The following CSMD1 variants were observed in gnomAD, a reference collection of about 807,000 sequenced individuals.
The protein encoded by CSMD1 is CUB and sushi domain-containing protein 1.
CSMD1 carries 213 observed loss-of-function variants against 417.5 expected under a neutral mutation model. The observed-to-expected ratio is 0.51, with a 90% confidence interval of 0.46 to 0.57. CSMD1 has a LOEUF of 0.57. Ranked by LOEUF, CSMD1 falls within the 20% of genes least tolerant of loss-of-function variation. The pLI, the probability that CSMD1 is intolerant of heterozygous loss-of-function variation, is 0.00. For synonymous variants in CSMD1, 2,862 were observed against 1,736.8 expected (o/e 1.65, Z -16.11); for missense variants, 6,923 against 4,529.7 (o/e 1.53, Z -15.17).
intron 2 of CSMD1, among the ~76,000 whole-genome samples, chr8:4,485,433 G>A (rs1046740693): frequency 6.6e-6 from 1 of 152,096 alleles, no homozygotes; most frequent in Non-Finnish European, 1.5e-5. Context: ...AGAGAGGAAG[G>A]GCTTCTATGG....
At chr8:4,313,936 C>A (rs933553921) in intron 3 of CSMD1, among the ~76,000 whole-genome samples, 2 of 151,914 alleles carry the variant, frequency 1.3e-5, no homozygotes, top group Non-Finnish European at 2.9e-5. Flanking sequence ...GTCACTTGAA[C>A]CTGGGAGGCA....
intron 50 of CSMD1, among the ~76,000 whole-genome samples, chr8:3,034,213 G>T (rs576327922): frequency 6.6e-6 from 1 of 152,200 alleles, no homozygotes; most frequent in East Asian, 1.9e-4. Flanking sequence ...TTGGAATGAA[G>T]AAAAAGATTT....
At chr8:3,311,768 G>T (rs896902924) in intron 23 of CSMD1, among the ~76,000 whole-genome samples, 1 of 150,776 alleles carries the variant, frequency 6.6e-6, no homozygotes, top group Non-Finnish European at 1.5e-5. Context: ...TGTTCTGATT[G>T]TACAGAAGCG....
chr8:3,529,866 G>T (rs1797905317), intron 10 of CSMD1, among the ~76,000 whole-genome samples: 2 of 152,212 alleles, frequency 1.3e-5, no homozygotes, highest in Non-Finnish European at 2.9e-5. Context: ...ATTAATTATA[G>T]CAAGAGAGAA....
chr8:3,773,969 T>G (rs1473099196), intron 5 of CSMD1, among the ~76,000 whole-genome samples: 1 of 152,196 alleles, frequency 6.6e-6, no homozygotes, highest in African/African-American at 2.4e-5. Context: ...GTGCCTGGAT[T>G]AACCCTGCAT....
In CSMD1 at chr8:4,032,112, G is replaced by A. The variant is rs190192421; in HGVS notation, c.416-13C>T. On this transcript the variant is annotated splice_polypyrimidine_tract_variant and intron_variant, in intron 3 of 69. Coordinates refer to ENST00000635120, the MANE Select transcript of CSMD1 (RefSeq NM_033225.6). Reference sequence around the variant, plus strand: ...TGGCTAGGTAAAACTATTGGAAAAAGAAAAGAAAGGAGAAAAAACAAGTTA... The same window carrying A: ...TGGCTAGGTAAAACTATTGGAAAAAAAAAAGAAAGGAGAAAAAACAAGTTA... The A allele has an allele frequency of 2.8e-4, 445 of 1,574,382 alleles. No homozygotes were observed. Among genetic ancestry groups the A allele is most frequent in the Non-Finnish European group, 3.4e-4 (398 of 1,154,036 alleles).
At chr8:3,921,529 T>A in intron 5 of CSMD1, among the ~76,000 whole-genome samples, 1 of 152,170 alleles carries the variant, frequency 6.6e-6, no homozygotes, top group Non-Finnish European at 1.5e-5. Context: ...TAGGCCATCA[T>A]TTCTGTAAAC....
intron 10 of CSMD1, among the ~76,000 whole-genome samples, chr8:3,538,633 T>C (rs761094439): frequency 4.6e-5 from 7 of 152,366 alleles, no homozygotes; most frequent in Admixed American, 4.6e-4. Flanking sequence ...AACAAAGGTA[T>C]AGAGCTTTCC....
chr8:3,769,995 C>A (rs1035109582), intron 5 of CSMD1, among the ~76,000 whole-genome samples: 2 of 152,212 alleles, frequency 1.3e-5, no homozygotes, highest in African/African-American at 2.4e-5. Context: ...CAGTGACCTG[C>A]CTTTTTCTTC....
intron 3 of CSMD1, among the ~76,000 whole-genome samples, chr8:4,211,276 T>C (rs768527924): frequency 2.5e-4 from 38 of 152,160 alleles, no homozygotes; most frequent in Non-Finnish European, 4.6e-4. Context: ...ATCCAAAGAT[T>C]GATCCCTTTT....
chr8:4,609,238 A>G (rs1158607570), intron 2 of CSMD1, among the ~76,000 whole-genome samples: 4 of 152,130 alleles, frequency 2.6e-5, no homozygotes, highest in African/African-American at 9.7e-5. Flanking sequence ...TGTATCTACA[A>G]AAAAATGAAA....
At chr8:4,221,542 C>G (rs1346526899) in intron 3 of CSMD1, among the ~76,000 whole-genome samples, 2 of 152,146 alleles carry the variant, frequency 1.3e-5, no homozygotes, top group African/African-American at 4.8e-5. Context: ...CCCAGGAAGG[C>G]TCAAGAGCAG....
intron 31 of CSMD1, among the ~76,000 whole-genome samples, chr8:3,203,426 A>C (rs1171870639): frequency 6.6e-6 from 1 of 152,244 alleles, no homozygotes; most frequent in African/African-American, 2.4e-5. Flanking sequence ...GAGAAGAACA[A>C]ACAAAGGGTT....
intron 3 of CSMD1, among the ~76,000 whole-genome samples, chr8:4,206,696 A>G (rs781065738): frequency 6.6e-6 from 1 of 152,168 alleles, no homozygotes; most frequent in Non-Finnish European, 1.5e-5. Context: ...TTGGGTATAT[A>G]CCCTGTAATG....
At chr8:3,190,155 T>C (rs1796325950) in intron 33 of CSMD1, 40 bp from the exon 34 acceptor site, 7 of 1,516,304 alleles carry the variant, frequency 4.6e-6, no homozygotes, top group Non-Finnish European at 6.3e-6. Context: ...TGTATCTCCA[T>C]CAGCAAGCCA....
At position 3,406,217 on chromosome 8, in the gene CSMD1, A is replaced by T. The variant is rs1812333118; in HGVS notation, c.2076T>A (p.Phe692Leu). Residue 692 changes from phenylalanine to leucine, a missense_variant, in exon 15 of 70, where the codon TTT becomes TTA. Physicochemically the swap from Phe to Leu is conservative, Grantham distance 22 (BLOSUM62 0). Transcript: ENST00000635120. ...GRGFNITYTT[F>L]GQNECHDPGI... ...CAGGATCATGGCACTCATTCTGACCAAATGCTGAAAGAAAAAGAAGAAGAA... is the reference window on the plus strand; with the variant it reads ...CAGGATCATGGCACTCATTCTGACCTAATGCTGAAAGAAAAAGAAGAAGAA... The T allele has an allele frequency of 6.3e-7, 1 of 1,594,710 alleles. No individual in the cohort carries two copies. Among genetic ancestry groups the T allele is most frequent in the Non-Finnish European group, 8.5e-7 (1 of 1,171,530 alleles).
chr8:4,013,801 AGTCT>A (rs1304701696), intron 4 of CSMD1, among the ~76,000 whole-genome samples: 1 of 152,216 alleles, frequency 6.6e-6, no homozygotes, highest in East Asian at 1.9e-4. Flanking sequence ...AAACACAGCC[AGTCT>A]ATCTGTTTAG....
intron 1 of CSMD1, among the ~76,000 whole-genome samples, chr8:4,950,638 A>C (rs988191674): frequency 6.6e-6 from 1 of 152,224 alleles, no homozygotes; most frequent in Non-Finnish European, 1.5e-5. Flanking sequence ...AATATTTGTC[A>C]TTGTTTTAAA....
At chr8:3,594,749 T>C (rs905563189) in intron 8 of CSMD1, among the ~76,000 whole-genome samples, 1 of 152,136 alleles carries the variant, frequency 6.6e-6, no homozygotes, top group Non-Finnish European at 1.5e-5. Flanking sequence ...CACAGAAGTA[T>C]GGAAGAGTGG....
Sources: gnomAD v4.1 joint callset for allele counts (sites outside exome capture counted in the v4.1 genomes callset) on GRCh38, gnomAD v4.1.1 for gene constraint, MANE v1.5 for transcripts, NCBI Gene and HGNC (gene_info 2026-07-23, HGNC 2026-07-21) for gene names.